FOXP1: variants seen among roughly 807,000 people sequenced by gnomAD.
FOXP1 encodes forkhead box protein P1.
FOXP1 carries 15 observed loss-of-function variants against 98.2 expected under a neutral mutation model. The ratio of observed to expected loss-of-function variants is 0.15; its 90% CI spans 0.10 to 0.24. The LOEUF is 0.24. Ranked by LOEUF, FOXP1 falls within the 10% of genes least tolerant of loss-of-function variation. FOXP1 has a pLI of 1.00. For missense variants in FOXP1, 633 were observed against 848.5 expected, an observed-to-expected ratio of 0.75 and a Z score of 3.15; for synonymous variants, 371 against 314.5, an observed-to-expected ratio of 1.18 and a Z score of -1.90.
chr3:71,009,444 G>A (rs1276832968), intron 12 of FOXP1, among the ~76,000 whole-genome samples: 1 of 152,098 alleles, frequency 6.6e-6, no homozygotes, highest in Non-Finnish European at 1.5e-5. Context: ...GGCCTGCAAT[G>A]CTGAAAATAT....
intron 20 of FOXP1, 42 bp downstream of exon 20, chr3:70,965,848 T>C: frequency 1.3e-6 from 2 of 1,597,220 alleles, no homozygotes; most frequent in Non-Finnish European, 1.7e-6. Flanking sequence ...CTAGGGAGAC[T>C]AGGGTCAGAT....
intron 2 of FOXP1, among the ~76,000 whole-genome samples, chr3:71,537,230 G>C (rs62244885): frequency 2.6e-4 from 39 of 152,320 alleles, no homozygotes; most frequent in African/African-American, 8.9e-4. Flanking sequence ...TCAAGGCAGA[G>C]CCCAGCAGCC....
At chr3:71,583,740 G>C (rs1216345887), upstream of FOXP1, 2 of 985,302 alleles carry the variant, frequency 2.0e-6, no homozygotes, top group East Asian at 2.3e-4. Flanking sequence ...GCGTGCAACC[G>C]CCACACAATA....
intron 3 of FOXP1, among the ~76,000 whole-genome samples, chr3:71,432,212 G>A (rs1159270096): frequency 1.3e-5 from 2 of 152,190 alleles, no homozygotes; most frequent in East Asian, 1.9e-4. Context: ...TGACGACTGT[G>A]GTGTGCATAG....
chr3:71,379,490 G>A (rs1384055297), intron 3 of FOXP1, among the ~76,000 whole-genome samples: 1 of 152,002 alleles, frequency 6.6e-6, no homozygotes, highest in East Asian at 1.9e-4. Context: ...ACTATAGGCA[G>A]CAAGAATTTC....
rs1490655392 is a variant in FOXP1, at chr3:70,957,014, A to G, written c.*2233T>C. ...TACAGTGATCACAGCACAGTTCTTA[A>G]ACAAAAGTGGCATACAATCTAAAAA... is the stretch of plus-strand genomic sequence containing the variant. On this transcript the variant is annotated 3_prime_UTR_variant, in exon 21 of 21. Coordinates refer to ENST00000649528, the MANE Select transcript of FOXP1 (RefSeq NM_001349338.3). 1 of 222,322 alleles carries G rather than the reference A, an allele frequency of 4.5e-6. No individual in the cohort carries two copies. The highest frequency in any genetic ancestry group is 6.6e-5 in the East Asian group (1 of 15,102). 13.8% of individuals were successfully genotyped at this position (222,322 alleles called of 1,614,324 possible). A position where few individuals can be genotyped will look rare whatever the true frequency, so the allele number is the denominator to read the frequency against.
At chr3:71,420,866 C>G (rs539419899) in intron 3 of FOXP1, among the ~76,000 whole-genome samples, 13 of 152,110 alleles carry the variant, frequency 8.5e-5, no homozygotes, top group African/African-American at 3.1e-4. Context: ...GCCACCATGC[C>G]CGGCTAATTT....
chr3:71,118,453 T>A (rs1479876326), intron 6 of FOXP1, among the ~76,000 whole-genome samples: 1 of 152,192 alleles, frequency 6.6e-6, no homozygotes. Context: ...TTAAGAAACA[T>A]CAACAAGTTT....
At chr3:71,000,794 AAAAATAAAATAAAAT>A (rs59993750) in intron 13 of FOXP1, among the ~76,000 whole-genome samples, 163 bp downstream of exon 13, 40 of 122,138 alleles carry the variant, frequency 3.3e-4, no homozygotes, top group South Asian at 7.9e-4. Context: ...CAAAGAGGTA[AAAAATAAAATAAAAT>A]AAAATAAAAT....
In FOXP1 at chr3:71,386,569, C is replaced by T. The variant is rs992808356; in HGVS notation, c.-167-27325G>A. 3.9e-5 allele frequency among the ~76,000 whole-genome samples: 6 copies of T among 151,904 alleles called. No individual in the cohort carries two copies. In the East Asian group the frequency reaches 7.7e-4, roughly 20 times the overall value. Reference sequence around the variant, plus strand: ...CATCCTGGCCATTATGGTGAAACCCCGTCTCTACTAAAAATACAAAAAAAT... The same window carrying T: ...CATCCTGGCCATTATGGTGAAACCCTGTCTCTACTAAAAATACAAAAAAAT... On this transcript the variant is annotated intron_variant, in intron 3 of 20. Coordinates refer to ENST00000649528, the MANE Select transcript of FOXP1 (RefSeq NM_001349338.3).
chr3:71,362,212 A>C (rs1254561358), intron 3 of FOXP1, among the ~76,000 whole-genome samples: 1 of 152,144 alleles, frequency 6.6e-6, no homozygotes, highest in Non-Finnish European at 1.5e-5. Flanking sequence ...TCGCTCTGTC[A>C]CCAGGCTGGA....
chr3:71,330,702 T>C (rs1171627542), intron 4 of FOXP1, among the ~76,000 whole-genome samples: 1 of 152,254 alleles, frequency 6.6e-6, no homozygotes, highest in Non-Finnish European at 1.5e-5. Context: ...AGTGGAATAT[T>C]ATGCAGCCAT....
At chr3:71,074,180 T>C (rs1445931175) in intron 7 of FOXP1, among the ~76,000 whole-genome samples, 2 of 152,230 alleles carry the variant, frequency 1.3e-5, no homozygotes, top group Non-Finnish European at 2.9e-5. Context: ...GTAGGTATTA[T>C]TGTGCCCACT....
chr3:71,207,949 G>T (rs750238475), intron 5 of FOXP1, among the ~76,000 whole-genome samples: 3 of 152,122 alleles, frequency 2.0e-5, no homozygotes, highest in African/African-American at 7.2e-5. Flanking sequence ...CTTTAAAATG[G>T]ACAGGTAAGA....
chr3:71,061,578 T>C (rs2051485719), intron 7 of FOXP1, among the ~76,000 whole-genome samples: 1 of 152,188 alleles, frequency 6.6e-6, no homozygotes, highest in African/African-American at 2.4e-5. Context: ...TCCTTGTCAC[T>C]GAATGCATAT....
chr3:71,151,980 T>C (rs889525969), intron 6 of FOXP1, among the ~76,000 whole-genome samples: 1 of 152,212 alleles, frequency 6.6e-6, no homozygotes, highest in African/African-American at 2.4e-5. Flanking sequence ...TACATTCCTT[T>C]GATTAAGTTA....
intron 4 of FOXP1, among the ~76,000 whole-genome samples, chr3:71,328,975 AAAAAAAAAAAAAAAC>A (rs2076102085): frequency 4.0e-5 from 1 of 24,920 alleles, no homozygotes; most frequent in African/African-American, 6.0e-5. Context: ...CCATCTCGCT[AAAAAAAAAAAAAAAC>A]AAAAAAAAAA....
chr3:71,535,924 C>A (rs2044255067), intron 2 of FOXP1, among the ~76,000 whole-genome samples: 1 of 152,166 alleles, frequency 6.6e-6, no homozygotes, highest in Non-Finnish European at 1.5e-5. Context: ...AACACCAAGG[C>A]TCCTAACAAG....
chr3:71,199,485 A>C (rs1248788979), intron 5 of FOXP1, among the ~76,000 whole-genome samples: 1 of 148,214 alleles, frequency 6.7e-6, no homozygotes, highest in Non-Finnish European at 1.5e-5. Flanking sequence ...CCAGCACTTT[A>C]GGAGGATGAG....
Sources: gnomAD v4.1 joint callset for allele counts (sites outside exome capture counted in the v4.1 genomes callset) on GRCh38, gnomAD v4.1.1 for gene constraint, MANE v1.5 for transcripts, NCBI Gene and HGNC (gene_info 2026-07-23, HGNC 2026-07-21) for gene names.